Variants in CDH18 observed in about 807,000 individuals in gnomAD.
CDH18 encodes cadherin 18, also known as cadherin-18.
Under a neutral mutation model 67.9 loss-of-function variants are expected in CDH18, and 31 were observed. The ratio of observed to expected loss-of-function variants is 0.46; its 90% CI spans 0.34 to 0.62. CDH18 has a LOEUF of 0.62. Among genes scored for constraint, CDH18 ranks in the 20% least tolerant of loss-of-function variants. The pLI, the probability that CDH18 is intolerant of heterozygous loss-of-function variation, is 0.01. For missense variants in CDH18, 890 were observed against 975.5 expected (o/e 0.91, Z 1.17); for synonymous variants, 362 against 347.2 (o/e 1.04, Z -0.48).
chr5:20,561,529 A>G (rs1367363496), intron 1 of CDH18, among the ~76,000 whole-genome samples: 3 of 152,080 alleles, frequency 2.0e-5, no homozygotes, highest in Middle Eastern at 3.2e-3. Flanking sequence ...TATGATTCCA[A>G]TTATAAGAAA....
intron 6 of CDH18, among the ~76,000 whole-genome samples, chr5:19,610,522 T>C (rs1179675377): frequency 6.6e-6 from 1 of 152,100 alleles, no homozygotes; most frequent in Non-Finnish European, 1.5e-5. Context: ...GGAGATGCTA[T>C]ATTTACTACA....
At chr5:19,634,096 A>G (rs1044413502) in intron 5 of CDH18, among the ~76,000 whole-genome samples, 1 of 152,208 alleles carries the variant, frequency 6.6e-6, no homozygotes, top group Middle Eastern at 3.2e-3. Context: ...CTTTTCCCCA[A>G]AATAAGCTTG....
intron 2 of CDH18, among the ~76,000 whole-genome samples, chr5:20,179,359 C>G (rs1737498713): frequency 6.6e-6 from 1 of 152,042 alleles, no homozygotes; most frequent in Non-Finnish European, 1.5e-5. Context: ...ATGTCAAAAC[C>G]AGGGAGTGTT....
intron 4 of CDH18, among the ~76,000 whole-genome samples, chr5:19,741,338 A>G (rs1315138436): frequency 7.0e-6 from 1 of 143,078 alleles, no homozygotes; most frequent in African/African-American, 2.6e-5. Context: ...TCTCACACAC[A>G]CACACACACA....
intron 8 of CDH18, among the ~76,000 whole-genome samples, chr5:19,567,408 T>C (rs1740614152): frequency 6.6e-6 from 1 of 152,108 alleles, no homozygotes; most frequent in East Asian, 1.9e-4. Context: ...TTTTCACAAA[T>C]GCTTGCAAAG....
intron 6 of CDH18, among the ~76,000 whole-genome samples, chr5:19,606,875 T>A (rs1279316804): frequency 6.6e-6 from 1 of 151,778 alleles, no homozygotes; most frequent in Non-Finnish European, 1.5e-5. Flanking sequence ...CTAGGTGCAT[T>A]GTAGGTTAAA....
At chr5:20,451,120 C>T (rs370314455) in intron 1 of CDH18, among the ~76,000 whole-genome samples, 29 of 152,230 alleles carry the variant, frequency 1.9e-4, no homozygotes, top group African/African-American at 2.9e-4. Flanking sequence ...CCACATCGTT[C>T]ATTATTCTTT....
At chr5:20,339,030 G>A (rs146220608) in intron 1 of CDH18, among the ~76,000 whole-genome samples, 3 of 152,184 alleles carry the variant, frequency 2.0e-5, no homozygotes, top group African/African-American at 7.2e-5. Context: ...AAAGAAGACA[G>A]AGGATGCCTA....
At chr5:20,157,914 A>C (rs553384453) in intron 2 of CDH18, among the ~76,000 whole-genome samples, 1 of 152,146 alleles carries the variant, frequency 6.6e-6, no homozygotes. Context: ...TGCTGGGATT[A>C]CAGGCATGTG....
chr5:19,864,635 C>T (rs141038192), intron 2 of CDH18, among the ~76,000 whole-genome samples: 1 of 152,144 alleles, frequency 6.6e-6, no homozygotes, highest in Non-Finnish European at 1.5e-5. Flanking sequence ...GAATCCCATG[C>T]GATCATCCTG....
chr5:20,404,635 A>C (rs952461482), intron 1 of CDH18, among the ~76,000 whole-genome samples: 5 of 152,074 alleles, frequency 3.3e-5, no homozygotes, highest in Admixed American at 1.3e-4. Context: ...AGGGCACCCC[A>C]AAAAAATTAC....
intron 3 of CDH18, among the ~76,000 whole-genome samples, chr5:19,811,715 AAGAC>A (rs1397117465): frequency 1.3e-5 from 2 of 152,234 alleles, no homozygotes; most frequent in African/African-American, 4.8e-5. Context: ...AAGAGAAAGA[AAGAC>A]AATTTAAATG....
At chr5:20,127,989 A>G (rs1180397368) in intron 2 of CDH18, among the ~76,000 whole-genome samples, 1 of 152,086 alleles carries the variant, frequency 6.6e-6, no homozygotes, top group East Asian at 1.9e-4. Context: ...TCTCCTGTGG[A>G]TAAGGGATAG....
chr5:19,831,772 T>C (rs1333550806), intron 3 of CDH18, among the ~76,000 whole-genome samples: 2 of 151,918 alleles, frequency 1.3e-5, no homozygotes, highest in Non-Finnish European at 2.9e-5. Context: ...TCCCCCAAAA[T>C]AAATTGTTCT....
intron 6 of CDH18, among the ~76,000 whole-genome samples, chr5:19,600,981 A>T (rs912949190): frequency 2.0e-5 from 3 of 152,212 alleles, no homozygotes; most frequent in East Asian, 1.9e-4. Context: ...TCCATGAGGG[A>T]ACAAGTGACT....
chr5:20,187,271 G>T (rs2126704897), intron 2 of CDH18, among the ~76,000 whole-genome samples: 1 of 151,706 alleles, frequency 6.6e-6, no homozygotes, highest in African/African-American at 2.4e-5. Context: ...TGGCTAAAAT[G>T]GTAAATTTTG....
chr5:20,217,068 A>T (rs887442775), intron 2 of CDH18, among the ~76,000 whole-genome samples: 7 of 151,876 alleles, frequency 4.6e-5, no homozygotes, highest in African/African-American at 7.2e-5. Context: ...ATAAAGGAGA[A>T]ATGAAGAGTT....
In CDH18 at chr5:20,472,824, A is replaced by T. The variant is rs1259695687; in HGVS notation, c.-580+102638T>A. Among the ~76,000 whole-genome samples the T allele has an allele frequency of 2.0e-5, 3 of 152,204 alleles. No individual in the cohort carries two copies. In the East Asian group the frequency reaches 5.8e-4, roughly 29 times the overall value. On this transcript the variant is annotated intron_variant, in intron 1 of 14. Coordinates refer to the CDH18 transcript ENST00000507958. Reference sequence around the variant, plus strand: ...TCATCACAATGCCAGATCTTTGATAAATACATGCATCCCTCATAAACAAGT... The same window carrying T: ...TCATCACAATGCCAGATCTTTGATATATACATGCATCCCTCATAAACAAGT...
At chr5:19,563,840 T>C (rs1282756855) in intron 8 of CDH18, among the ~76,000 whole-genome samples, 1 of 152,168 alleles carries the variant, frequency 6.6e-6, no homozygotes, top group Non-Finnish European at 1.5e-5. Context: ...AAGACAGCCT[T>C]GAATGGCTTA....
Sources: allele counts gnomAD v4.1 joint callset (sites outside exome capture counted in the v4.1 genomes callset), GRCh38; gene constraint gnomAD v4.1.1; transcripts MANE v1.5; gene names NCBI Gene and HGNC (gene_info 2026-07-23, HGNC 2026-07-21).